The following RPH3AL variants were observed in gnomAD, a reference collection of about 807,000 sequenced individuals.
RPH3AL encodes rabphilin 3A like (without C2 domains).
RPH3AL carries 38 observed loss-of-function variants against 43.1 expected under a neutral mutation model. That is an observed-to-expected ratio of 0.88 (90% CI 0.68 to 1.15). The LOEUF is 1.15. Among genes scored for constraint, RPH3AL ranks in the 50% most tolerant of loss-of-function variants. The pLI is 0.00. For missense variants in RPH3AL, 462 were observed against 423.2 expected (o/e 1.09, Z -0.81); for synonymous variants, 189 against 176.3 (o/e 1.07, Z -0.57).
At chr17:314,917 C>A (rs1555518628) in intron 5 of RPH3AL, among the ~76,000 whole-genome samples, 1 of 21,928 alleles carries the variant, frequency 4.6e-5, no homozygotes, top group African/African-American at 1.7e-4. Flanking sequence ...ACCAGTAGTC[C>A]CTGTGCCCCA....
intron 5 of RPH3AL, among the ~76,000 whole-genome samples, chr17:308,520 C>A (rs975370255): frequency 1.3e-5 from 2 of 152,230 alleles, no homozygotes; most frequent in African/African-American, 4.8e-5. Context: ...CAGCATTGTT[C>A]ACAATAGCTG....
At chr17:269,499 A>G (rs1253870486) in intron 6 of RPH3AL, among the ~76,000 whole-genome samples, 5 of 152,190 alleles carry the variant, frequency 3.3e-5, no homozygotes, top group Non-Finnish European at 7.3e-5. Flanking sequence ...AGTGAACATT[A>G]GAGGAATAAG....
intron 6 of RPH3AL, among the ~76,000 whole-genome samples, chr17:263,509 C>T (rs936525952): frequency 3.3e-5 from 5 of 152,208 alleles, no homozygotes; most frequent in Non-Finnish European, 5.9e-5. Context: ...CGTTCCCCAA[C>T]GTTAGCTCTT....
Position 322,500 on chromosome 17 carries a change from C to G in RPH3AL, c.78-1085G>C, listed in dbSNP as rs753839609. On this transcript the variant is annotated intron_variant, in intron 3 of 9. Transcript: ENST00000331302. The surrounding 1 kb of genome is among the most constrained non-coding windows in gnomAD (Gnocchi z 4.0). ...CATTCTACGCATTACCAAGTACCCG[C>G]TGGGACGCCTGGCCTCTTAGGTGCC... The G allele has an allele frequency of 3.9e-5, 6 of 152,220 alleles. No individual in the cohort carries two copies. The highest frequency in any genetic ancestry group is 7.3e-5 in the Non-Finnish European group (5 of 68,060). 9.4% of individuals were successfully genotyped at this position (152,220 alleles called of 1,614,324 possible).
intron 6 of RPH3AL, among the ~76,000 whole-genome samples, chr17:276,076 C>T (rs1016063496): frequency 6.6e-6 from 1 of 152,264 alleles, no homozygotes; most frequent in East Asian, 1.9e-4. Context: ...GTCTCCAGGA[C>T]AGTTGGTACA....
chr17:332,141 C>T, intron 2 of RPH3AL: 1 of 340,446 alleles, frequency 2.9e-6, no homozygotes, highest in Non-Finnish European at 5.8e-6. Context: ...CTGCGGGGAG[C>T]AGACACAGGA....
chr17:306,997 T>C (rs529219608), intron 5 of RPH3AL, among the ~76,000 whole-genome samples: 184 of 152,072 alleles, frequency 1.2e-3, no homozygotes, highest in African/African-American at 4.2e-3. Context: ...TCACCCACCC[T>C]CCAGGCCCGG....
chr17:299,103 C>T (rs559387161), intron 5 of RPH3AL, among the ~76,000 whole-genome samples: 5 of 152,214 alleles, frequency 3.3e-5, no homozygotes, highest in African/African-American at 9.6e-5. Flanking sequence ...CGGAGCTGCA[C>T]TTGAACAAGC....
At chr17:214,127 G>A (rs1375925225) in intron 9 of RPH3AL, among the ~76,000 whole-genome samples, 2 of 152,220 alleles carry the variant, frequency 1.3e-5, no homozygotes, top group African/African-American at 2.4e-5. Flanking sequence ...CTGCCCCTCT[G>A]GGCTTCAGGC....
intron 6 of RPH3AL, among the ~76,000 whole-genome samples, chr17:268,076 A>G (rs1335542468): frequency 2.0e-5 from 3 of 152,164 alleles, no homozygotes; most frequent in Non-Finnish European, 4.4e-5. Flanking sequence ...GTTTAAAAAA[A>G]CCTTGTATGT....
chr17:263,407 T>C (rs1355208943), intron 6 of RPH3AL, among the ~76,000 whole-genome samples: 2 of 152,064 alleles, frequency 1.3e-5, no homozygotes, highest in Non-Finnish European at 2.9e-5. Flanking sequence ...GTCTCCCAAG[T>C]TGGTACATCA....
chr17:266,718 A>G (rs554547623), intron 6 of RPH3AL, among the ~76,000 whole-genome samples: 4 of 152,362 alleles, frequency 2.6e-5, no homozygotes, highest in African/African-American at 9.6e-5. Context: ...GGCAGTGAGA[A>G]ACAGAATTCT....
rs1211797482 is a variant in RPH3AL at position 315,320 on chromosome 17, C to A, written c.351+4100G>T. On this transcript the variant is annotated intron_variant, in intron 5 of 9. Transcript: ENST00000331302. ...TCCAGTGACCTGTAGTCCCTGTGAC[C>A]CCACCTCCACTGACCTGTAGTCCCT... Among the ~76,000 whole-genome samples, 6 of 16,894 alleles carry A rather than the reference C, an allele frequency of 3.6e-4. No homozygotes were observed. The East Asian group carries it at 0.032, about 91-fold the overall frequency. The allele number at this position is 16,894 out of a possible 152,430, so 11.1% of individuals were successfully genotyped here.
chr17:291,372 A>AC (rs1008904646), intron 5 of RPH3AL, among the ~76,000 whole-genome samples: 6 of 151,866 alleles, frequency 4.0e-5, no homozygotes, highest in East Asian at 1.9e-4. Flanking sequence ...AGACTCCCCC[A>AC]CCCCCCATCT....
At position 304,977 on chromosome 17, in the gene RPH3AL, G is replaced by GT. The variant is rs1567631207; in HGVS notation, c.351+14442_351+14443insA. 8.9e-4 allele frequency among the ~76,000 whole-genome samples: 51 copies of GT among 57,548 alleles called. 8 individuals are homozygous for GT. The highest frequency in any genetic ancestry group is 3.7e-3 in the African/African-American group (51 of 13,894). The allele number at this position is 57,548 out of a possible 152,430, so 37.8% of individuals were successfully genotyped here. On this transcript the variant is annotated intron_variant, in intron 5 of 9. Coordinates refer to ENST00000331302, the MANE Select transcript of RPH3AL (RefSeq NM_006987.4). ...GGGGACAGGGCGAGAGGGGGACAGG[G>GT]CGGGAGGGGGACAGGGCGAGAGGGG... is the stretch of plus-strand genomic sequence containing the variant.
In RPH3AL at chr17:264,805, C is replaced by A. The variant is rs1555547455; in HGVS notation, c.438+16963G>T. 6.6e-6 allele frequency among the ~76,000 whole-genome samples: 1 copy of A among 152,126 alleles called. No individual in the cohort carries two copies. Among genetic ancestry groups the A allele is most frequent in the Non-Finnish European group, 1.5e-5 (1 of 68,038 alleles). On this transcript the variant is annotated intron_variant, in intron 6 of 9. Transcript: ENST00000331302. This position sits in a 1 kb window ranked among gnomAD's most constrained non-coding sequence, Gnocchi z 4.8. ...TACAGGTATATCACAGCTCAGGTGA[C>A]CAATGGTTGAAGTGAAATAAACATC... is the stretch of plus-strand genomic sequence containing the variant.
chr17:315,184 T>C lies in RPH3AL; in HGVS notation c.351+4236A>G, dbSNP rs1227030010. The stretch of plus-strand genomic sequence containing the variant: ...CTGTGCCCCCACCTCCATTCACCTG[T>C]AGTCCCTGTGCTCCACCTCCATTCA... On this transcript the variant is annotated intron_variant, in intron 5 of 9. Coordinates refer to ENST00000331302, the MANE Select transcript of RPH3AL (RefSeq NM_006987.4). 2.1e-3 allele frequency among the ~76,000 whole-genome samples: 78 copies of C among 37,296 alleles called. 5 individuals are homozygous for C. Among genetic ancestry groups the C allele is most frequent in the Admixed American group, 2.3e-3 (5 of 2,138 alleles). The allele number at this position is 37,296 out of a possible 152,430, so 24.5% of individuals were successfully genotyped here.
At chr17:316,447 G>A (rs201503897) in intron 5 of RPH3AL, among the ~76,000 whole-genome samples, 4 of 143,210 alleles carry the variant, frequency 2.8e-5, no homozygotes, top group East Asian at 2.1e-4. Context: ...TAGTCTCTGT[G>A]CTCCACCTCC....
intron 6 of RPH3AL, among the ~76,000 whole-genome samples, chr17:270,675 T>C (rs539571240): frequency 5.3e-5 from 8 of 151,658 alleles, no homozygotes; most frequent in Non-Finnish European, 1.0e-4. Flanking sequence ...CATCGTGAGA[T>C]GCCAACTCCA....
Sources: gnomAD v4.1 joint callset for allele counts (sites outside exome capture counted in the v4.1 genomes callset) on GRCh38, gnomAD v4.1.1 for gene constraint, Gnocchi (gnomAD v3.1) non-coding constraint, MANE v1.5 for transcripts, NCBI Gene and HGNC (gene_info 2026-07-23, HGNC 2026-07-21) for gene names.